Variants in GLRB observed in about 807,000 individuals in gnomAD.
The protein encoded by GLRB is glycine receptor beta, also known as glycine receptor subunit beta.
A neutral mutation model predicts 54.2 loss-of-function variants in GLRB; 33 were observed. The ratio of observed to expected loss-of-function variants is 0.61; its 90% CI spans 0.46 to 0.81. The LOEUF (loss-of-function observed/expected upper bound fraction) is 0.81, where lower values mean the gene tolerates loss of function less well. Among genes scored for constraint, GLRB ranks in the 40% least tolerant of loss-of-function variants. GLRB has a pLI of 0.00. For synonymous variants in GLRB, 209 were observed against 208.2 expected (o/e 1.00, Z -0.03); for missense variants, 572 against 584.6 (o/e 0.98, Z 0.22).
chr4:157,167,029 G>T (rs931053509), intron 9 of GLRB, among the ~76,000 whole-genome samples: 2 of 151,958 alleles, frequency 1.3e-5, no homozygotes, highest in Non-Finnish European at 2.9e-5. Flanking sequence ...CACCTAAAAT[G>T]ATATAAAAAT....
At chr4:157,166,294 G>C (rs1041926363) in intron 9 of GLRB, among the ~76,000 whole-genome samples, 1 of 151,948 alleles carries the variant, frequency 6.6e-6, no homozygotes, top group African/African-American at 2.4e-5. Flanking sequence ...AGCCAAATTC[G>C]CTTTTAAGAA....
chr4:157,108,762 A>G (rs1735312051), intron 2 of GLRB, among the ~76,000 whole-genome samples: 1 of 152,104 alleles, frequency 6.6e-6, no homozygotes, highest in Non-Finnish European at 1.5e-5. Context: ...TCCAATTTTG[A>G]AAGATGTTCT....
At chr4:157,121,703 C>T (rs201151678) in intron 3 of GLRB, among the ~76,000 whole-genome samples, 16 of 151,326 alleles carry the variant, frequency 1.1e-4, no homozygotes, top group East Asian at 9.8e-4. Flanking sequence ...GTTAGCACAA[C>T]GAGCAGCCAC....
intron 9 of GLRB, 151 bp from the exon 10 acceptor site, chr4:157,170,281 G>A (rs1737868626): frequency 1.6e-6 from 1 of 612,566 alleles, no homozygotes; most frequent in African/African-American, 1.9e-5. Flanking sequence ...CAATCTGATG[G>A]TTTAATCAGA....
At chr4:157,153,917 G>A (rs1737123902) in intron 9 of GLRB, among the ~76,000 whole-genome samples, 1 of 152,170 alleles carries the variant, frequency 6.6e-6, no homozygotes, top group Admixed American at 6.5e-5. Context: ...CCCTCACCTA[G>A]AATGCTAGAC....
chr4:157,125,333 G>C (rs1735979212), intron 4 of GLRB, among the ~76,000 whole-genome samples: 1 of 151,704 alleles, frequency 6.6e-6, no homozygotes, highest in African/African-American at 2.4e-5. Context: ...TATAATGGTG[G>C]GCTGTGTGTG....
At chr4:157,082,247 G>A (rs1194694525) in intron 2 of GLRB, among the ~76,000 whole-genome samples, 1 of 151,954 alleles carries the variant, frequency 6.6e-6, no homozygotes, top group Non-Finnish European at 1.5e-5. Flanking sequence ...TGTCTTCTTT[G>A]GGAAACCTTT....
At chr4:157,117,473 G>A (rs755172947) in intron 2 of GLRB, among the ~76,000 whole-genome samples, 2 of 151,628 alleles carry the variant, frequency 1.3e-5, no homozygotes, top group Non-Finnish European at 3.0e-5. Flanking sequence ...TCAAATGAAA[G>A]AATGTGATGG....
Position 157,138,883 on chromosome 4 carries a change from C to T in GLRB, c.685C>T (p.Pro229Ser). The T allele has an allele frequency of 6.6e-7, 1 of 1,519,196 alleles. No homozygotes were observed. The allele number at this position is 1,519,196 out of a possible 1,614,324, so 94.1% of individuals were successfully genotyped here. The part of the protein sequence containing the change: ...DPVQLEKIAL[P>S]QFDIKKEDIE... ...TGTGCAATTAGAAAAAATTGCCTTG[C>T]CTCAATTTGATATCAAAAAGGAAGA... The change falls in exon 7 of 10, where the codon CCT becomes TCT. Residue 229 changes from proline (P) to serine (S), a missense_variant. Pro to Ser is a moderately conservative substitution (Grantham distance 74). Transcript: ENST00000264428.
chr4:157,080,530 G>A (rs1734186326), intron 2 of GLRB, among the ~76,000 whole-genome samples: 2 of 152,148 alleles, frequency 1.3e-5, no homozygotes, highest in African/African-American at 4.8e-5. Context: ...CCCTGACTGT[G>A]ATTGGATCTA....
At chr4:157,147,705 GATGA>G (rs1275917072) in intron 8 of GLRB, among the ~76,000 whole-genome samples, 14 of 152,064 alleles carry the variant, frequency 9.2e-5, no homozygotes, top group African/African-American at 3.4e-4. Flanking sequence ...AGGAAGAGGG[GATGA>G]GATCCAGGAA....
At chr4:157,157,075 T>C (rs1207623117) in intron 9 of GLRB, among the ~76,000 whole-genome samples, 1 of 152,146 alleles carries the variant, frequency 6.6e-6, no homozygotes, top group Non-Finnish European at 1.5e-5. Flanking sequence ...CCATGTTGTC[T>C]CTACCAACAC....
chr4:157,149,419 TA>T, intron 8 of GLRB, among the ~76,000 whole-genome samples: 1 of 152,222 alleles, frequency 6.6e-6, no homozygotes, highest in East Asian at 1.9e-4. Context: ...TAACGTTTTG[TA>T]ATACTCTTAA....
intron 8 of GLRB, among the ~76,000 whole-genome samples, chr4:157,147,092 A>G (rs1365536187): frequency 6.6e-6 from 1 of 152,200 alleles, no homozygotes; most frequent in Non-Finnish European, 1.5e-5. Context: ...TGGAGATATC[A>G]GATAGGCAGT....
intron 8 of GLRB, among the ~76,000 whole-genome samples, chr4:157,145,260 T>A (rs568229140): frequency 1.3e-5 from 2 of 152,268 alleles, no homozygotes; most frequent in Admixed American, 1.3e-4. Context: ...AGGCTGAAAG[T>A]TCAATGGCTG....
chr4:157,126,800 A>T (rs1333797255), intron 4 of GLRB, among the ~76,000 whole-genome samples: 1 of 151,866 alleles, frequency 6.6e-6, no homozygotes, highest in African/African-American at 2.4e-5. Flanking sequence ...ACTGGGTATT[A>T]TCGTGTATTG....
At chr4:157,099,543 G>A (rs537396021) in intron 2 of GLRB, among the ~76,000 whole-genome samples, 1 of 152,048 alleles carries the variant, frequency 6.6e-6, no homozygotes, top group East Asian at 1.9e-4. Context: ...CACCATGTTG[G>A]CCAGGCTGTC....
At chr4:157,095,982 G>T (rs1417541399) in intron 2 of GLRB, among the ~76,000 whole-genome samples, 2 of 152,202 alleles carry the variant, frequency 1.3e-5, no homozygotes, top group Non-Finnish European at 2.9e-5. Context: ...AAGGGCCTAA[G>T]TGGGTAGTGG....
intron 9 of GLRB, among the ~76,000 whole-genome samples, chr4:157,163,105 G>A (rs1383335345): frequency 6.6e-6 from 1 of 152,172 alleles, no homozygotes. Context: ...AGCAGTGAGC[G>A]AGGCTCCGTG....
Sources: gnomAD v4.1 joint callset for allele counts (sites outside exome capture counted in the v4.1 genomes callset) on GRCh38, gnomAD v4.1.1 for gene constraint, MANE v1.5 for transcripts, NCBI Gene and HGNC (gene_info 2026-07-23, HGNC 2026-07-21) for gene names.